Variants in PASD1 observed in about 807,000 individuals in gnomAD.
PASD1 encodes circadian clock protein PASD1.
PASD1 carries 13 observed loss-of-function variants against 58.8 expected under a neutral mutation model. The ratio of observed to expected loss-of-function variants is 0.22; its 90% CI spans 0.14 to 0.35. The LOEUF is 0.35. Ranked by LOEUF, PASD1 falls within the 10% of genes least tolerant of loss-of-function variation. PASD1 has a pLI of 1.00. For synonymous variants in PASD1, 236 were observed against 216.7 expected (o/e 1.09, Z -0.78); for missense variants, 734 against 568.3 (o/e 1.29, Z -2.96).
At chrX:151,622,862 G>T in intron 6 of PASD1, 75 bp from the exon 7 acceptor site, 1 of 1,058,653 alleles carries the variant, frequency 9.4e-7, no homozygotes, top group Non-Finnish European at 1.3e-6. Flanking sequence ...AACAGCACAT[G>T]GATGTGTCAG....
intron 11 of PASD1, among the ~76,000 whole-genome samples, chrX:151,669,376 C>T (rs1449534914): frequency 1.8e-5 from 2 of 110,212 alleles, no homozygotes; most frequent in Non-Finnish European, 3.8e-5. Context: ...ATACCCATCA[C>T]TTCAAATATT....
intron 1 of PASD1, among the ~76,000 whole-genome samples, chrX:151,587,847 C>T (rs1183260070): frequency 3.6e-5 from 4 of 111,475 alleles, no homozygotes; most frequent in South Asian, 3.8e-4. Context: ...TGATTTTATC[C>T]GTTGGAAAGT....
At chrX:151,576,694 C>T (rs2013012316) in intron 1 of PASD1, among the ~76,000 whole-genome samples, 1 of 111,768 alleles carries the variant, frequency 8.9e-6, no homozygotes. Flanking sequence ...TGTGTGTGCA[C>T]ACGTGTGTAT....
intron 14 of PASD1, chrX:151,672,979 T>C (rs2014498436): frequency 4.2e-6 from 1 of 239,108 alleles, no homozygotes; most frequent in Non-Finnish European, 7.4e-6. Context: ...CCCAGTCTCT[T>C]GCACAGGGTG....
intron 11 of PASD1, among the ~76,000 whole-genome samples, chrX:151,669,787 T>C (rs747561992): frequency 1.8e-5 from 2 of 112,123 alleles, no homozygotes; most frequent in African/African-American, 6.5e-5. Context: ...CTTTAGCCAT[T>C]TGTCTGTTGA....
At position 151,672,294 on chromosome X, in the gene PASD1, GAGA is replaced by G. The variant is rs780363033; in HGVS notation, c.1558_1560del (p.Lys520del). ...GGTGCAGAAGCAGAAGAAGATGCAG[GAGA>G]AGAAGAAGCTGCAGGAGCAGAAAAT... On this transcript the variant is annotated inframe_deletion, in exon 14 of 16. Coordinates refer to ENST00000370357, the MANE Select transcript of PASD1 (RefSeq NM_173493.3). 1.0e-4 allele frequency: 121 copies of G among 1,167,218 alleles called. No homozygotes were observed. The highest frequency in any genetic ancestry group is 1.6e-4 in the African/African-American group (9 of 55,814).
At chrX:151,640,738 A>G (rs746777606) in intron 8 of PASD1, among the ~76,000 whole-genome samples, 2 of 111,804 alleles carry the variant, frequency 1.8e-5, no homozygotes, top group South Asian at 7.6e-4. Context: ...AGCAGCTGGC[A>G]TCCAGGCATA....
At chrX:151,615,520 C>T (rs2013627046) in intron 4 of PASD1, among the ~76,000 whole-genome samples, 1 of 112,336 alleles carries the variant, frequency 8.9e-6, no homozygotes, top group African/African-American at 3.2e-5. Context: ...CATAGTTTCA[C>T]ACTTCCTCAT....
Position 151,614,897 on chromosome X carries a change from T to C in PASD1, c.207+3144T>C, listed in dbSNP as rs180760845. On this transcript the variant is annotated intron_variant, in intron 4 of 15. Transcript: ENST00000370357. The stretch of plus-strand genomic sequence containing the variant: ...TTTTATTTCTCATTCTCTTTCATTT[T>C]TTAAAAAAACAGTTTACATTTCCAA... Among the ~76,000 whole-genome samples the C allele has an allele frequency of 5.5e-3, 622 of 112,215 alleles. 15 individuals are homozygous for C. Among genetic ancestry groups the C allele is most frequent in the Admixed American group, 0.05 (527 of 10,537 alleles).
At chrX:151,583,931 A>G (rs1602909256) in intron 1 of PASD1, among the ~76,000 whole-genome samples, 1 of 112,370 alleles carries the variant, frequency 8.9e-6, no homozygotes, top group African/African-American at 3.2e-5. Context: ...TGATAGTTCT[A>G]TCAGTTCTCA....
At chrX:151,603,123 G>A in intron 2 of PASD1, among the ~76,000 whole-genome samples, 1 of 112,465 alleles carries the variant, frequency 8.9e-6, no homozygotes. Context: ...ATCTGTCTAC[G>A]CTGCCCCGTC....
At chrX:151,588,399 T>G (rs775678336) in intron 1 of PASD1, among the ~76,000 whole-genome samples, 1 of 112,612 alleles carries the variant, frequency 8.9e-6, no homozygotes, top group African/African-American at 3.2e-5. Flanking sequence ...TGCATTCTGC[T>G]TTTCTTCTGA....
intron 1 of PASD1, among the ~76,000 whole-genome samples, chrX:151,585,867 G>T (rs35882308): frequency 1.8e-5 from 2 of 110,425 alleles, no homozygotes; most frequent in East Asian, 2.8e-4. Flanking sequence ...TAATTCTACC[G>T]AATTTTTGTT....
At position 151,676,495 on chromosome X, in the gene PASD1, T is replaced by A. The variant is rs41311680; in HGVS notation, c.*352T>A. The A allele has an allele frequency of 0.2, 30,224 of 152,917 alleles. 2,775 individuals carry two copies. The highest frequency in any genetic ancestry group is 0.34 in the Middle Eastern group (134 of 393). The allele number at this position is 152,917 out of a possible 1,213,427, so 12.6% of individuals were successfully genotyped here. A position where few individuals can be genotyped will look rare whatever the true frequency, so the allele number is the denominator to read the frequency against. On this transcript the variant is annotated 3_prime_UTR_variant, in exon 16 of 16. Coordinates refer to ENST00000370357, the MANE Select transcript of PASD1 (RefSeq NM_173493.3). The stretch of plus-strand genomic sequence containing the variant: ...TGCTCAAAGTTTTCAACATAAAGAA[T>A]AAAGAAAAAAAAATGCCAAAGTGCT...
intron 1 of PASD1, among the ~76,000 whole-genome samples, chrX:151,590,724 G>A (rs936178555): frequency 1.8e-5 from 2 of 110,757 alleles, no homozygotes; most frequent in East Asian, 2.8e-4. Flanking sequence ...GAGTCTACAG[G>A]TGCGCGCCAT....
At chrX:151,661,331 G>A (rs1215042825) in intron 10 of PASD1, among the ~76,000 whole-genome samples, 1 of 111,449 alleles carries the variant, frequency 9.0e-6, no homozygotes, top group African/African-American at 3.3e-5. Flanking sequence ...AGGACAATTC[G>A]CTCATGACCA....
At chrX:151,615,615 A>G (rs913990943) in intron 4 of PASD1, among the ~76,000 whole-genome samples, 1 of 111,453 alleles carries the variant, frequency 9.0e-6, no homozygotes, top group African/African-American at 3.3e-5. Flanking sequence ...AAGTCATCCA[A>G]CTTATATTAT....
chrX:151,602,524 G>A (rs369703507), intron 2 of PASD1, among the ~76,000 whole-genome samples: 68 of 109,928 alleles, frequency 6.2e-4, no homozygotes, highest in African/African-American at 2.0e-3. Flanking sequence ...GTGAAACCCC[G>A]TCTCTACTAA....
intron 2 of PASD1, among the ~76,000 whole-genome samples, chrX:151,603,901 G>A (rs899239163): frequency 3.6e-5 from 4 of 111,843 alleles, no homozygotes; most frequent in African/African-American, 1.3e-4. Flanking sequence ...TGTATGCTAT[G>A]GGTCTCATTT....
Sources: allele counts gnomAD v4.1 joint callset (sites outside exome capture counted in the v4.1 genomes callset), GRCh38; gene constraint gnomAD v4.1.1; transcripts MANE v1.5; gene names NCBI Gene and HGNC (gene_info 2026-07-23, HGNC 2026-07-21).